Variants in BDKRB2 observed in about 807,000 individuals in gnomAD.
BDKRB2 encodes bradykinin receptor B2.
Under a neutral mutation model 4.0 loss-of-function variants are expected in BDKRB2, and 6 were observed. The observed-to-expected ratio is 1.49, with a 90% confidence interval of 0.81 to 2.93. BDKRB2 has a LOEUF of 2.93. Among genes scored for constraint, BDKRB2 ranks in the 30% most tolerant of loss-of-function variants. The pLI, the probability that BDKRB2 is intolerant of heterozygous loss-of-function variation, is 0.00. For synonymous variants in BDKRB2, 225 were observed against 215.3 expected (o/e 1.05, Z -0.40); for missense variants, 478 against 520.1 (o/e 0.92, Z 0.79).
chr14:96,231,821 G>A (rs1223940203), intron 1 of BDKRB2, among the ~76,000 whole-genome samples: 2 of 152,218 alleles, frequency 1.3e-5, no homozygotes, highest in African/African-American at 4.8e-5. Context: ...GAATATGGTG[G>A]GACAGATGCA....
In BDKRB2 at chr14:96,241,596, T is replaced by C; in HGVS notation, c.*92T>C. 3 of 1,457,038 alleles carry C rather than the reference T, an allele frequency of 2.1e-6. No homozygotes were observed. Among genetic ancestry groups the C allele is most frequent in the Admixed American group, 2.7e-5 (1 of 37,126 alleles). The allele number at this position is 1,457,038 out of a possible 1,614,324, so 90.3% of individuals were successfully genotyped here. On this transcript the variant is annotated 3_prime_UTR_variant, in exon 3 of 3. Transcript: ENST00000554311. ...CCCAGGAATGCCAAGGAGACATCTA[T>C]GCACGACCTTGGGAAATGAGTTGAT...
intron 1 of BDKRB2, among the ~76,000 whole-genome samples, chr14:96,216,734 A>AGGAGGAGGAGGAG (rs1890430188): frequency 1.1e-5 from 1 of 87,044 alleles, no homozygotes; most frequent in African/African-American, 5.3e-5. Flanking sequence ...AGGAGGAGGA[A>AGGAGGAGGAGGAG]GGAGGAGGAG....
At chr14:96,209,589 C>A (rs1890259649) in intron 1 of BDKRB2, among the ~76,000 whole-genome samples, 1 of 152,174 alleles carries the variant, frequency 6.6e-6, no homozygotes, top group Admixed American at 6.5e-5. Flanking sequence ...CCCCTTTGAG[C>A]CTTTTCATTA....
intron 1 of BDKRB2, among the ~76,000 whole-genome samples, chr14:96,232,448 C>T (rs1342925281): frequency 4.6e-5 from 7 of 152,364 alleles, no homozygotes; most frequent in South Asian, 2.1e-4. Context: ...TTGACATTCA[C>T]GTTCACAGTT....
chr14:96,211,085 C>T (rs1388222117), intron 1 of BDKRB2: 1 of 152,270 alleles, frequency 6.6e-6, no homozygotes, highest in African/African-American at 2.4e-5. Context: ...GCACACAGCT[C>T]ACAGCCAGCT....
rs184617250 is a variant in BDKRB2 at position 96,238,827 on chromosome 14, C to T, written c.75-1576C>T. 2.2e-4 allele frequency: 221 copies of T among 986,332 alleles called. No individual in the cohort carries two copies. The African/African-American group carries it at 3.3e-3, about 15-fold the overall frequency. 61.1% of individuals were successfully genotyped at this position (986,332 alleles called of 1,614,324 possible). A position where few individuals can be genotyped will look rare whatever the true frequency, so the allele number is the denominator to read the frequency against. ...CTGTGTCCCACAACCCCCCTGCTCCCTCCAGGGCACCCTCCACCCTCTGGG... is the reference window on the plus strand; with the variant it reads ...CTGTGTCCCACAACCCCCCTGCTCCTTCCAGGGCACCCTCCACCCTCTGGG... On this transcript the variant is annotated intron_variant, in intron 2 of 2. Coordinates refer to ENST00000554311, the MANE Select transcript of BDKRB2 (RefSeq NM_001379692.1).
chr14:96,237,599 G>A (rs566235273), intron 2 of BDKRB2: 4 of 1,201,896 alleles, frequency 3.3e-6, no homozygotes, highest in Non-Finnish European at 4.2e-6. Flanking sequence ...TTTAAGGGGA[G>A]GGGGAGGAGG....
At chr14:96,222,370 T>C (rs949920615) in intron 1 of BDKRB2, among the ~76,000 whole-genome samples, 2 of 151,976 alleles carry the variant, frequency 1.3e-5, no homozygotes, top group South Asian at 4.2e-4. Context: ...AAATTCAATC[T>C]CCAGCCCCTC....
At chr14:96,210,329 G>A (rs138223276) in intron 1 of BDKRB2, among the ~76,000 whole-genome samples, 1 of 152,166 alleles carries the variant, frequency 6.6e-6, no homozygotes, top group Non-Finnish European at 1.5e-5. Context: ...GGGGTCTGGG[G>A]ATTTTAATTT....
chr14:96,237,693 C>A, intron 2 of BDKRB2: 4 of 1,288,542 alleles, frequency 3.1e-6, no homozygotes, highest in Non-Finnish European at 4.0e-6. Context: ...GGGGTCCACT[C>A]CAACCTCTCC....
chr14:96,231,758 G>A (rs948779793), intron 1 of BDKRB2, among the ~76,000 whole-genome samples: 5 of 152,210 alleles, frequency 3.3e-5, no homozygotes, highest in African/African-American at 7.2e-5. Context: ...AGCTGCAGGC[G>A]TGATGCAGGG....
chr14:96,215,603 T>C (rs1035299335), intron 1 of BDKRB2, among the ~76,000 whole-genome samples: 1 of 152,176 alleles, frequency 6.6e-6, no homozygotes, highest in Admixed American at 6.5e-5. Context: ...GAGAAGACAT[T>C]GGAAGCTGCC....
chr14:96,242,913 C>G lies in BDKRB2; in HGVS notation c.*1409C>G, dbSNP rs1885333076. On this transcript the variant is annotated 3_prime_UTR_variant, in exon 3 of 3. Coordinates refer to ENST00000554311, the MANE Select transcript of BDKRB2 (RefSeq NM_001379692.1). ...GAATGGCAATGGTGTTCACCATCGG[C>G]AGTGCCAGGGCAGCACTCATTCACT... The G allele has an allele frequency of 6.6e-6, 1 of 152,568 alleles. No individual in the cohort carries two copies. The highest frequency in any genetic ancestry group is 1.9e-4 in the East Asian group (1 of 5,194). The allele number at this position is 152,568 out of a possible 1,614,324, so 9.5% of individuals were successfully genotyped here.
At chr14:96,240,000 C>G in intron 2 of BDKRB2, 2 of 1,000,676 alleles carry the variant, frequency 2.0e-6, no homozygotes, top group East Asian at 1.0e-4. Flanking sequence ...ACTCACCCAC[C>G]ACACGGCTTT....
intron 1 of BDKRB2, among the ~76,000 whole-genome samples, chr14:96,213,960 A>G (rs1415058053): frequency 2.0e-5 from 3 of 152,174 alleles, no homozygotes; most frequent in Non-Finnish European, 4.4e-5. Context: ...GAACTCCCAA[A>G]GATGCTCAGG....
chr14:96,239,380 G>A, intron 2 of BDKRB2: 1 of 985,410 alleles, frequency 1.0e-6, no homozygotes, highest in Non-Finnish European at 1.2e-6. Flanking sequence ...CACACAGCTA[G>A]GAGTGGAACT....
intron 2 of BDKRB2, chr14:96,240,197 G>T (rs995959014): frequency 5.4e-6 from 7 of 1,292,852 alleles, no homozygotes; most frequent in Non-Finnish European, 6.9e-6. Context: ...TGAGGCCCCC[G>T]TTTAGATCCA....
At position 96,242,841 on chromosome 14, in the gene BDKRB2, G is replaced by T. The variant is rs966900309; in HGVS notation, c.*1337G>T. 5.2e-5 allele frequency: 8 copies of T among 152,394 alleles called. No homozygotes were observed. The highest frequency in any genetic ancestry group is 1.5e-5 in the Non-Finnish European group (1 of 68,182). 9.4% of individuals were successfully genotyped at this position (152,394 alleles called of 1,614,324 possible). A position where few individuals can be genotyped will look rare whatever the true frequency, so the allele number is the denominator to read the frequency against. ...AAGGGATTGTTCCTGTCAATCAATG[G>T]TTTATTGGAAGGTGGCCCAGTATGA... On this transcript the variant is annotated 3_prime_UTR_variant, in exon 3 of 3. Coordinates refer to ENST00000554311, the MANE Select transcript of BDKRB2 (RefSeq NM_001379692.1).
intron 2 of BDKRB2, among the ~76,000 whole-genome samples, chr14:96,237,528 C>A (rs2139796793): frequency 6.6e-6 from 1 of 152,210 alleles, no homozygotes; most frequent in South Asian, 2.1e-4. Context: ...GCCTTGGAGA[C>A]AAAATATCTC....
Sources: gnomAD v4.1 joint callset for allele counts (sites outside exome capture counted in the v4.1 genomes callset) on GRCh38, gnomAD v4.1.1 for gene constraint, MANE v1.5 for transcripts, NCBI Gene and HGNC (gene_info 2026-07-23, HGNC 2026-07-21) for gene names.